ACYP2: variants seen among roughly 807,000 people sequenced by gnomAD.
The protein encoded by ACYP2 is acylphosphatase-2.
ACYP2 carries 12 observed loss-of-function variants against 11.2 expected under a neutral mutation model. The ratio of observed to expected loss-of-function variants is 1.08; its 90% CI spans 0.69 to 1.74. The LOEUF (loss-of-function observed/expected upper bound fraction) is 1.74. Ranked by LOEUF, ACYP2 falls within the 40% of genes most tolerant of loss-of-function variation. ACYP2 has a pLI of 0.00. For missense variants in ACYP2, 134 were observed against 101.9 expected (o/e 1.31, Z -1.35); for synonymous variants, 43 against 32.2 (o/e 1.33, Z -1.13).
rs534395806 is a variant in ACYP2, at chr2:54,058,250, G to T, written c.277+890G>T. On this transcript the variant is annotated intron_variant, in intron 4 of 6. Transcript: ENST00000607452. ...TTTTTGGGGGCAGGGTTATCAGTTT[G>T]TTTTATCAAAGTAGTACAAAGCTAT... is the stretch of plus-strand genomic sequence containing the variant. 1.1e-3 allele frequency among the ~76,000 whole-genome samples: 166 copies of T among 147,556 alleles called. 1 individual carries two copies. Among genetic ancestry groups the T allele is most frequent in the Admixed American group, 9.6e-3 (141 of 14,636 alleles).
intron 4 of ACYP2, among the ~76,000 whole-genome samples, chr2:54,132,955 G>T (rs1291062354): frequency 6.6e-6 from 1 of 151,976 alleles, no homozygotes; most frequent in Non-Finnish European, 1.5e-5. Flanking sequence ...TATTGGTCAG[G>T]CTGGTCTTGA....
chr2:54,055,211 AT>A (rs1334027677), intron 3 of ACYP2, among the ~76,000 whole-genome samples: 91 of 152,020 alleles, frequency 6.0e-4, no homozygotes, highest in African/African-American at 2.1e-3. Context: ...TAATTTTTGT[AT>A]TTTTAGTAGA....
intron 4 of ACYP2, among the ~76,000 whole-genome samples, chr2:54,132,233 T>G (rs1680945536): frequency 6.6e-6 from 1 of 152,184 alleles, no homozygotes. Context: ...ATCTCTCTCC[T>G]ACCTGGTCTG....
intron 6 of ACYP2, among the ~76,000 whole-genome samples, chr2:54,146,610 G>A (rs1681904490): frequency 6.6e-6 from 1 of 151,364 alleles, no homozygotes; most frequent in South Asian, 2.1e-4. Context: ...GTTTCCATTT[G>A]TTATTATGTG....
intron 2 of ACYP2, among the ~76,000 whole-genome samples, chr2:53,987,865 G>T (rs1259944191): frequency 6.6e-6 from 1 of 151,734 alleles, no homozygotes; most frequent in Non-Finnish European, 1.5e-5. Context: ...TTTGGTTTTT[G>T]GATTGCTTGG....
intron 4 of ACYP2, among the ~76,000 whole-genome samples, chr2:54,098,510 G>A (rs1451190559): frequency 6.6e-6 from 1 of 152,112 alleles, no homozygotes; most frequent in Non-Finnish European, 1.5e-5. Flanking sequence ...TTCTCATAGT[G>A]TCCTTTAACT....
intron 6 of ACYP2, among the ~76,000 whole-genome samples, chr2:54,293,503 G>A (rs2104149786): frequency 6.6e-6 from 1 of 152,326 alleles, no homozygotes; most frequent in South Asian, 2.1e-4. Flanking sequence ...GCTGCAAGCT[G>A]AGAAGCACCT....
At position 54,058,172 on chromosome 2, in the gene ACYP2, C is replaced by T. The variant is rs936028806; in HGVS notation, c.277+812C>T. Among the ~76,000 whole-genome samples the T allele has an allele frequency of 4.1e-4, 63 of 152,010 alleles. 1 individual carries two copies. The highest frequency in any genetic ancestry group is 1.7e-4 in the African/African-American group (7 of 41,380). On this transcript the variant is annotated intron_variant, in intron 4 of 6. Coordinates refer to ENST00000607452, the MANE Select transcript of ACYP2 (RefSeq NM_001320586.2). ...ACATTAAATGGAGTGTTGGTGTTAA[C>T]GCATGATACAAGCTAAAATGTGAAT... is the stretch of plus-strand genomic sequence containing the variant.
chr2:54,263,860 C>A (rs1054138145), intron 6 of ACYP2, among the ~76,000 whole-genome samples: 1 of 151,892 alleles, frequency 6.6e-6, no homozygotes, highest in African/African-American at 2.4e-5. Context: ...GAAGATATTA[C>A]AATCACTAGT....
At position 54,239,129 on chromosome 2, in the gene ACYP2, T is replaced by A. The variant is rs557435772; in HGVS notation, c.405-65559T>A. Among the ~76,000 whole-genome samples, 4 of 152,220 alleles carry A rather than the reference T, an allele frequency of 2.6e-5. No homozygotes were observed. In the South Asian group the frequency reaches 8.3e-4, roughly 32 times the overall value. On this transcript the variant is annotated intron_variant, in intron 6 of 6. Transcript: ENST00000607452. ...GCTCAAAAGGAATCCACAGTGTAGG[T>A]CAGAGCTACTTGATGAGAGAAAGTC...
At position 54,255,357 on chromosome 2, in the gene ACYP2, C is replaced by G. The variant is rs769904481; in HGVS notation, c.405-49331C>G. 3.5e-5 allele frequency: 57 copies of G among 1,614,058 alleles called. No homozygotes were observed. Among genetic ancestry groups the G allele is most frequent in the Non-Finnish European group, 4.6e-5 (54 of 1,180,036 alleles). ...ACATCTCGGCATCTTGGCCTCTAAT[C>G]ATGGCAGACAGCTGTGGGTGGTGGC... On this transcript the variant is annotated intron_variant, in intron 6 of 6. Coordinates refer to ENST00000607452, the MANE Select transcript of ACYP2 (RefSeq NM_001320586.2).
chr2:54,175,797 T>C (rs1215153), intron 6 of ACYP2, among the ~76,000 whole-genome samples: 33,858 of 152,134 alleles, frequency 0.22, 4,431 homozygotes, highest in South Asian at 0.43. Context: ...ACTTGCGCTG[T>C]ACACATGGTC....
chr2:54,304,218 CTGTGTGTGTGTGTGTG>C (rs10531789), intron 6 of ACYP2, among the ~76,000 whole-genome samples: 12 of 149,266 alleles, frequency 8.0e-5, no homozygotes, highest in African/African-American at 1.5e-4. Flanking sequence ...ATATATATGT[CTGTGTGTGTGTGTGTG>C]TGTGTGTGTG....
At chr2:54,178,072 T>A (rs1441640714) in intron 6 of ACYP2, among the ~76,000 whole-genome samples, 3 of 151,704 alleles carry the variant, frequency 2.0e-5, no homozygotes, top group African/African-American at 7.3e-5. Context: ...ATCCGGCTAA[T>A]TTTTTATATT....
intron 6 of ACYP2, among the ~76,000 whole-genome samples, chr2:54,270,230 C>G (rs1410675450): frequency 6.6e-6 from 1 of 151,928 alleles, no homozygotes; most frequent in Non-Finnish European, 1.5e-5. Context: ...TGTTTTTAAG[C>G]TATTTTTTTG....
chr2:54,251,661 G>C (rs1414489909), intron 6 of ACYP2, among the ~76,000 whole-genome samples: 2 of 152,172 alleles, frequency 1.3e-5, no homozygotes, highest in African/African-American at 4.8e-5. Context: ...GGCACTGACT[G>C]CGTGTGTTCA....
intron 6 of ACYP2, among the ~76,000 whole-genome samples, chr2:54,159,319 T>C (rs1287054042): frequency 2.6e-5 from 4 of 151,940 alleles, no homozygotes; most frequent in East Asian, 1.9e-4. Flanking sequence ...AGAACTGGGC[T>C]TCAAAAATAT....
At chr2:54,003,568 A>C (rs376173507) in intron 2 of ACYP2, among the ~76,000 whole-genome samples, 54 of 152,202 alleles carry the variant, frequency 3.5e-4, no homozygotes, top group African/African-American at 1.3e-3. Context: ...CCCAGAGCTC[A>C]TTTCTTTTTA....
chr2:54,299,529 T>C (rs1010762307), intron 6 of ACYP2, among the ~76,000 whole-genome samples: 4 of 149,560 alleles, frequency 2.7e-5, no homozygotes, highest in African/African-American at 7.5e-5. Flanking sequence ...GAGGCGGAGA[T>C]TGCAGTGAGC....
Sources: gnomAD v4.1 joint callset for allele counts (sites outside exome capture counted in the v4.1 genomes callset) on GRCh38, gnomAD v4.1.1 for gene constraint, MANE v1.5 for transcripts, NCBI Gene and HGNC (gene_info 2026-07-23, HGNC 2026-07-21) for gene names.